FRA10AC1: variants seen among roughly 807,000 people sequenced by gnomAD.
The protein encoded by FRA10AC1 is protein FRA10AC1.
Under a neutral mutation model 56.5 loss-of-function variants are expected in FRA10AC1, and 43 were observed. The ratio of observed to expected loss-of-function variants is 0.76; its 90% CI spans 0.60 to 0.98. The LOEUF (loss-of-function observed/expected upper bound fraction) is 0.98, where lower values mean the gene tolerates loss of function less well. Among genes scored for constraint, FRA10AC1 ranks in the 50% least tolerant of loss-of-function variants. The pLI, the probability that FRA10AC1 is intolerant of heterozygous loss-of-function variation, is 0.00. For synonymous variants in FRA10AC1, 112 were observed against 110.5 expected, an observed-to-expected ratio of 1.01 and a Z score of -0.09; for missense variants, 346 against 351.8, an observed-to-expected ratio of 0.98 and a Z score of 0.13.
intron 5 of FRA10AC1, among the ~76,000 whole-genome samples, chr10:93,692,940 G>A (rs922683025): frequency 3.9e-5 from 6 of 152,072 alleles, no homozygotes; most frequent in African/African-American, 1.4e-4. Flanking sequence ...AAGTTAAATG[G>A]ATAAGGAATC....
rs1227198509 is a variant in FRA10AC1, at chr10:93,702,546, G to A, written c.-172C>T. 9.1e-6 allele frequency: 2 copies of A among 220,078 alleles called. No homozygotes were observed. Among genetic ancestry groups the A allele is most frequent in the Non-Finnish European group, 1.8e-5 (2 of 113,792 alleles). 13.6% of individuals were successfully genotyped at this position (220,078 alleles called of 1,614,324 possible). A position where few individuals can be genotyped will look rare whatever the true frequency, so the allele number is the denominator to read the frequency against. ...CACCGCCGCCGCCGCCGCCGCCGCC[G>A]CCCGCAACCCGCCTCTCCCTACGGG... On this transcript the variant is annotated 5_prime_UTR_variant, in exon 1 of 14. Coordinates refer to ENST00000359204, the MANE Select transcript of FRA10AC1 (RefSeq NM_145246.5).
Position 93,702,521 on chromosome 10 carries a change from C to CGCCACA in FRA10AC1, c.-148_-147insTGTGGC. ...TGCCGCACAGCCTCGCCACAACCAC[C>CGCCACA]ACCGCCGCCGCCGCCGCCGCCGCCG... On this transcript the variant is annotated 5_prime_UTR_variant, in exon 1 of 14. Transcript: ENST00000359204. 5.3e-6 allele frequency: 1 copy of CGCCACA among 187,642 alleles called. No individual in the cohort carries two copies. The highest frequency in any genetic ancestry group is 1.0e-5 in the Non-Finnish European group (1 of 96,326). The allele number at this position is 187,642 out of a possible 1,614,324, so 11.6% of individuals were successfully genotyped here. A position where few individuals can be genotyped will look rare whatever the true frequency, so the allele number is the denominator to read the frequency against.
chr10:93,670,824 G>A lies in FRA10AC1; in HGVS notation c.851C>T (p.Ala284Val). The A allele has an allele frequency of 4.3e-6, 7 of 1,611,598 alleles. No homozygotes were observed. Among genetic ancestry groups the A allele is most frequent in the Non-Finnish European group, 5.9e-6 (7 of 1,178,190 alleles). The change falls in exon 13 of 14, where the codon GCT (alanine) becomes GTT (valine). Residue 284 changes from alanine (A) to valine (V), a missense_variant. Ala to Val is a moderately conservative substitution (Grantham distance 64, BLOSUM62 0). Transcript: ENST00000359204. The stretch of plus-strand genomic sequence containing the variant: ...ACCCTTCCAAAGTTCAGATTCTGAA[G>A]CACTTTCTTCCTCATCAGAGTTTCC... ...LLRNSDEEES[A>V]SESELWKGPL... is the part of the protein sequence containing the mutation.
chr10:93,702,925 T>C (rs13376897), upstream of FRA10AC1: 2,465 of 453,792 alleles, frequency 5.4e-3, 51 homozygotes, highest in African/African-American at 0.045. Context: ...GAGGATCCTC[T>C]CAGAGCAGCT....
At chr10:93,685,029 T>C (rs1189746185) in intron 9 of FRA10AC1, among the ~76,000 whole-genome samples, 2 of 152,148 alleles carry the variant, frequency 1.3e-5, no homozygotes, top group Non-Finnish European at 2.9e-5. Flanking sequence ...CAGTTTACAT[T>C]TGACATTAGA....
intron 7 of FRA10AC1, 96 bp downstream of exon 7, chr10:93,691,913 C>A: frequency 7.8e-7 from 1 of 1,284,184 alleles, no homozygotes; most frequent in Non-Finnish European, 1.1e-6. Context: ...CTAGAATTAG[C>A]ATCTTTAAAA....
chr10:93,674,669 G>A (rs1228186473), intron 12 of FRA10AC1: 4 of 152,138 alleles, frequency 2.6e-5, no homozygotes. Flanking sequence ...AGCATTAAGG[G>A]CTATTTCTAG....
At chr10:93,692,239 T>G in intron 6 of FRA10AC1, 146 bp from the exon 7 acceptor site, 1 of 596,780 alleles carries the variant, frequency 1.7e-6, no homozygotes, top group South Asian at 4.1e-5. Flanking sequence ...ATCTGGATAT[T>G]AACTATTAAA....
intron 12 of FRA10AC1, chr10:93,672,555 A>AT (rs1212559171): frequency 5.9e-5 from 9 of 152,458 alleles, no homozygotes; most frequent in African/African-American, 2.2e-4. Flanking sequence ...ATGATGCCAG[A>AT]GAACGAAACC....
rs1011185512 is a variant in FRA10AC1 at position 93,669,166 on chromosome 10, A to C, written c.*660T>G. On this transcript the variant is annotated 3_prime_UTR_variant, in exon 14 of 14. Transcript: ENST00000359204. ...AGGCAAGCAAAAAACCTCAAAAAGC[A>C]GCTGGAAATAGGTGGTAATGGGAGA... The C allele has an allele frequency of 1.5e-4, 23 of 152,266 alleles. No individual in the cohort carries two copies. The highest frequency in any genetic ancestry group is 5.3e-4 in the African/African-American group (22 of 41,450). 9.4% of individuals were successfully genotyped at this position (152,266 alleles called of 1,614,324 possible). A position where few individuals can be genotyped will look rare whatever the true frequency, so the allele number is the denominator to read the frequency against.
chr10:93,685,074 A>C (rs1366018666), intron 9 of FRA10AC1, among the ~76,000 whole-genome samples, 172 bp downstream of exon 9: 2 of 152,178 alleles, frequency 1.3e-5, no homozygotes, highest in Non-Finnish European at 2.9e-5. Context: ...TAATGCTAAA[A>C]ATGTAAAAAA....
Position 93,684,199 on chromosome 10 carries a change from A to G in FRA10AC1, c.626-101T>C, listed in dbSNP as rs551658176. ...CGCACTTTCTTTATATTCCATTACTATAAGAGGGTAAACAAACAATCCAAA... is the reference window on the plus strand; with the variant it reads ...CGCACTTTCTTTATATTCCATTACTGTAAGAGGGTAAACAAACAATCCAAA... On this transcript the variant is annotated intron_variant, in intron 9 of 13. Coordinates refer to ENST00000359204, the MANE Select transcript of FRA10AC1 (RefSeq NM_145246.5). 32 of 808,210 alleles carry G rather than the reference A, an allele frequency of 4.0e-5. No individual in the cohort carries two copies. In the African/African-American group the frequency reaches 5.2e-4, roughly 13 times the overall value. The allele number at this position is 808,210 out of a possible 1,614,324, so 50.1% of individuals were successfully genotyped here. A position where few individuals can be genotyped will look rare whatever the true frequency, so the allele number is the denominator to read the frequency against.
chr10:93,692,139 A>G, intron 6 of FRA10AC1, 46 bp from the exon 7 acceptor site: 1 of 1,337,660 alleles, frequency 7.5e-7, no homozygotes. Flanking sequence ...AAACTCAACC[A>G]TGGTTTGCTA....
At chr10:93,695,515 T>C (rs559560111) in intron 4 of FRA10AC1, among the ~76,000 whole-genome samples, 136 of 152,140 alleles carry the variant, frequency 8.9e-4, no homozygotes, top group Non-Finnish European at 1.8e-3. Context: ...TTCAAAGCAT[T>C]GTAACAAAAT....
intron 1 of FRA10AC1, among the ~76,000 whole-genome samples, chr10:93,702,119 C>T (rs779267640): frequency 6.6e-6 from 1 of 151,952 alleles, no homozygotes; most frequent in Non-Finnish European, 1.5e-5. Context: ...CTGGCCGCTC[C>T]ATCCGACCCA....
At chr10:93,701,657 C>T (rs1243693824) in intron 1 of FRA10AC1, among the ~76,000 whole-genome samples, 1 of 152,142 alleles carries the variant, frequency 6.6e-6, no homozygotes, top group East Asian at 1.9e-4. Flanking sequence ...TCCCTTACAT[C>T]TGTTATTGCC....
At chr10:93,679,732 G>A (rs2058901042) in intron 11 of FRA10AC1, among the ~76,000 whole-genome samples, 1 of 152,076 alleles carries the variant, frequency 6.6e-6, no homozygotes, top group Admixed American at 6.6e-5. Flanking sequence ...ACTGATTTAT[G>A]GAGAATGGAT....
At chr10:93,683,212 C>T (rs1351375392) in intron 10 of FRA10AC1, among the ~76,000 whole-genome samples, 2 of 152,084 alleles carry the variant, frequency 1.3e-5, no homozygotes, top group Non-Finnish European at 2.9e-5. Flanking sequence ...AAGCAGTTTG[C>T]CCAAGAAGAA....
At chr10:93,676,205 T>C (rs1038844726) in intron 12 of FRA10AC1, among the ~76,000 whole-genome samples, 1 of 152,206 alleles carries the variant, frequency 6.6e-6, no homozygotes. Flanking sequence ...AAAAAACTTA[T>C]TGTGTATGTT....
Sources: allele counts gnomAD v4.1 joint callset (sites outside exome capture counted in the v4.1 genomes callset), GRCh38; gene constraint gnomAD v4.1.1; transcripts MANE v1.5; gene names NCBI Gene and HGNC (gene_info 2026-07-23, HGNC 2026-07-21).